Variants in ADGRG2 observed in about 807,000 individuals in gnomAD.
The protein encoded by ADGRG2 is G protein-coupled receptor 64.
A neutral mutation model predicts 74.1 loss-of-function variants in ADGRG2; 26 were observed. The observed-to-expected ratio is 0.35, with a 90% CI of 0.26 to 0.49. ADGRG2 has a LOEUF of 0.49. Ranked by LOEUF, ADGRG2 falls within the 20% of genes least tolerant of loss-of-function variation. The pLI is 0.99. For missense variants in ADGRG2, 619 were observed against 763.1 expected (o/e 0.81, Z 2.22); for synonymous variants, 296 against 295.2 (o/e 1.00, Z -0.03).
At chrX:19,010,427 T>C (rs1423217959) in intron 17 of ADGRG2, among the ~76,000 whole-genome samples, 186 bp downstream of exon 17, 1 of 111,616 alleles carries the variant, frequency 9.0e-6, no homozygotes, top group African/African-American at 3.3e-5. Flanking sequence ...GGCCTCAAGG[T>C]TGGTAGTGTA....
chrX:18,999,762 A>G (rs2060088409), intron 25 of ADGRG2, 99 bp downstream of exon 25: 3 of 562,978 alleles, frequency 5.3e-6, no homozygotes, highest in Admixed American at 2.5e-5. Context: ...TTTTATTAGG[A>G]TGATAGCAGG....
intron 1 of ADGRG2, among the ~76,000 whole-genome samples, chrX:19,091,287 C>T (rs767911018): frequency 3.6e-5 from 4 of 110,002 alleles, no homozygotes; most frequent in Non-Finnish European, 5.7e-5. Flanking sequence ...CAGTGGGCAG[C>T]GTGTTCAGAT....
At chrX:19,070,737 G>A (rs1412675458) in intron 2 of ADGRG2, among the ~76,000 whole-genome samples, 1 of 112,174 alleles carries the variant, frequency 8.9e-6, no homozygotes, top group Non-Finnish European at 1.9e-5. Flanking sequence ...GCAAGCCCTA[G>A]AGTGAGTGTG....
chrX:19,080,421 C>T (rs1297921406), intron 2 of ADGRG2, among the ~76,000 whole-genome samples: 4 of 110,900 alleles, frequency 3.6e-5, no homozygotes, highest in South Asian at 3.8e-4. Context: ...GCATAGGATT[C>T]GGGAGCATGC....
At chrX:19,022,235 A>C (rs1254865237) in intron 13 of ADGRG2, among the ~76,000 whole-genome samples, 1 of 98,086 alleles carries the variant, frequency 1.0e-5, no homozygotes, top group Non-Finnish European at 2.0e-5. Flanking sequence ...ATTGCACTCC[A>C]GCCAGGGCAA....
chrX:19,104,105 C>T (rs13440840), intron 1 of ADGRG2, among the ~76,000 whole-genome samples: 20,603 of 110,047 alleles, frequency 0.19, 2,470 homozygotes, highest in African/African-American at 0.44. Flanking sequence ...TGCAAAGCTT[C>T]GGAAACGGAT....
rs192175565 is a variant in ADGRG2 at position 19,105,141 on chromosome X, G to T, written c.-47+17301C>A. Among the ~76,000 whole-genome samples the T allele has an allele frequency of 1.9e-4, 21 of 110,548 alleles. No homozygotes were observed. In the East Asian group the frequency reaches 6.0e-3, roughly 31 times the overall value. ...CTTTTTCTGCTGCTGCTGCTTCTTC[G>T]AGATGGAGTCTTCCCATATTGCCTA... On this transcript the variant is annotated intron_variant, in intron 1 of 28. Coordinates refer to ENST00000379869, the MANE Select transcript of ADGRG2 (RefSeq NM_001079858.3).
At chrX:19,101,065 A>T (rs1366331939) in intron 1 of ADGRG2, among the ~76,000 whole-genome samples, 3 of 110,725 alleles carry the variant, frequency 2.7e-5, no homozygotes, top group African/African-American at 9.9e-5. Flanking sequence ...TTATGAGAAT[A>T]GCTTGAGGTG....
At chrX:19,008,980 T>C (rs2060294671) in intron 18 of ADGRG2, among the ~76,000 whole-genome samples, 2 of 111,751 alleles carry the variant, frequency 1.8e-5, no homozygotes, top group Admixed American at 9.5e-5. Context: ...TCAGCACCAC[T>C]ATATACAGCA....
intron 16 of ADGRG2, 48 bp from the exon 17 acceptor site, chrX:19,010,826 A>T: frequency 1.0e-6 from 1 of 987,867 alleles, no homozygotes; most frequent in South Asian, 2.3e-5. Flanking sequence ...TGGAAAACCC[A>T]CTAATAAAGA....
intron 2 of ADGRG2, among the ~76,000 whole-genome samples, chrX:19,076,440 G>A: frequency 9.0e-6 from 1 of 111,716 alleles, no homozygotes; most frequent in Non-Finnish European, 1.9e-5. Context: ...ACTAGGGGTA[G>A]TACTCTCTAC....
intron 26 of ADGRG2, 75 bp from the exon 27 acceptor site, chrX:18,996,227 A>G (rs1159046801): frequency 2.0e-6 from 1 of 511,366 alleles, no homozygotes; most frequent in African/African-American, 2.4e-5. Flanking sequence ...TGCACAAAAG[A>G]TATTAATAAT....
chrX:19,025,773 T>C (rs1225019030), intron 11 of ADGRG2, among the ~76,000 whole-genome samples: 1 of 109,744 alleles, frequency 9.1e-6, no homozygotes, highest in African/African-American at 3.3e-5. Flanking sequence ...CACATGCCTG[T>C]AATCCCAGCT....
intron 8 of ADGRG2, chrX:19,031,446 C>T (rs765452177): frequency 8.3e-6 from 1 of 121,127 alleles, no homozygotes; most frequent in Admixed American, 9.2e-5. Flanking sequence ...AATGTTAATC[C>T]TAGCTCTTTA....
intron 1 of ADGRG2, among the ~76,000 whole-genome samples, chrX:19,083,627 T>C (rs1226019371): frequency 9.0e-6 from 1 of 111,486 alleles, no homozygotes; most frequent in Non-Finnish European, 1.9e-5. Flanking sequence ...ATGGGGGTAT[T>C]TGCAATGATA....
At chrX:19,026,608 G>A (rs749878135) in intron 11 of ADGRG2, among the ~76,000 whole-genome samples, 30 of 109,158 alleles carry the variant, frequency 2.7e-4, no homozygotes, top group East Asian at 2.0e-3. Flanking sequence ...CAATTCTTCC[G>A]CCTCAGCCTC....
intron 1 of ADGRG2, among the ~76,000 whole-genome samples, chrX:19,113,996 C>T (rs1476888170): frequency 9.7e-5 from 10 of 102,860 alleles, no homozygotes; most frequent in Non-Finnish European, 1.4e-4. Context: ...CACCTGAACC[C>T]GGGAGGCAGA....
At chrX:19,064,782 G>C (rs1360651995) in intron 3 of ADGRG2, among the ~76,000 whole-genome samples, 2 of 112,277 alleles carry the variant, frequency 1.8e-5, no homozygotes, top group Non-Finnish European at 3.8e-5. Flanking sequence ...AATTTGAATT[G>C]TAACTCTGCA....
chrX:19,082,072 C>CAAAAAAAAAAAAAAA (rs57534658), intron 2 of ADGRG2, among the ~76,000 whole-genome samples: 8 of 21,180 alleles, frequency 3.8e-4, no homozygotes, highest in African/African-American at 8.6e-4. Context: ...GACCCTGTCT[C>CAAAAAAAAAAAAAAA]AAAAAAAAAA....
Sources: allele counts gnomAD v4.1 joint callset (sites outside exome capture counted in the v4.1 genomes callset), GRCh38; gene constraint gnomAD v4.1.1; transcripts MANE v1.5; gene names NCBI Gene and HGNC (gene_info 2026-07-23, HGNC 2026-07-21).